The following SLC24A2 variants were observed in gnomAD, a reference collection of about 807,000 sequenced individuals.
SLC24A2 encodes sodium/potassium/calcium exchanger 2.
SLC24A2 carries 36 observed loss-of-function variants against 62.0 expected under a neutral mutation model. The observed-to-expected ratio is 0.58, with a 90% CI of 0.44 to 0.77. The LOEUF (loss-of-function observed/expected upper bound fraction) is 0.77, where lower values mean the gene tolerates loss of function less well. Ranked by LOEUF, SLC24A2 falls within the 30% of genes least tolerant of loss-of-function variation. The pLI is 0.00. For synonymous variants in SLC24A2, 358 were observed against 294.0 expected (o/e 1.22, Z -2.23); for missense variants, 846 against 817.9 (o/e 1.03, Z -0.42).
the SLC24A2 span, among the ~76,000 whole-genome samples, chr9:20,054,428 G>T: frequency 6.6e-6 from 1 of 152,132 alleles, no homozygotes; most frequent in Non-Finnish European, 1.5e-5. Flanking sequence ...CCGACCTCAA[G>T]TGATCCACCT....
At chr9:19,753,732 C>T (rs771915263) in intron 2 of SLC24A2, among the ~76,000 whole-genome samples, 1 of 152,162 alleles carries the variant, frequency 6.6e-6, no homozygotes, top group Non-Finnish European at 1.5e-5. Flanking sequence ...AAACTACCAT[C>T]CCACCAAAGG....
intron 8 of SLC24A2, among the ~76,000 whole-genome samples, chr9:19,531,514 C>T (rs895568141): frequency 1.3e-5 from 2 of 152,188 alleles, no homozygotes; most frequent in African/African-American, 4.8e-5. Flanking sequence ...ACATAATTGA[C>T]AGTGGATGCT....
At chr9:19,882,094 TTCTC>T in the SLC24A2 span, among the ~76,000 whole-genome samples, 3 of 152,214 alleles carry the variant, frequency 2.0e-5, no homozygotes, top group Non-Finnish European at 4.4e-5. Flanking sequence ...ATCTTTGCCA[TTCTC>T]TCTATTTCCT....
Position 19,543,616 on chromosome 9 carries a change from A to G in SLC24A2, c.1479+6521T>C, listed in dbSNP as rs545057363. Among the ~76,000 whole-genome samples, 6 of 152,102 alleles carry G rather than the reference A, an allele frequency of 3.9e-5. No homozygotes were observed. The East Asian group carries it at 1.2e-3, about 29-fold the overall frequency. On this transcript the variant is annotated intron_variant, in intron 8 of 10. Coordinates refer to ENST00000341998, the MANE Select transcript of SLC24A2 (RefSeq NM_020344.4). ...ACAGTGCTTTAAATGTGTCCCAGAG[A>G]TTGTACGTTGTGTTGTTAGTTCTCA...
chr9:19,656,736 C>A (rs1818954075), intron 2 of SLC24A2, among the ~76,000 whole-genome samples: 1 of 152,108 alleles, frequency 6.6e-6, no homozygotes, highest in Non-Finnish European at 1.5e-5. Context: ...CACAGTTTCC[C>A]TTCACCTCCT....
the SLC24A2 span, among the ~76,000 whole-genome samples, chr9:19,910,127 A>G: frequency 1.3e-5 from 2 of 152,172 alleles, no homozygotes; most frequent in African/African-American, 4.8e-5. Context: ...GCTACCATCC[A>G]ATCTTATTTC....
chr9:20,009,655 C>T, the SLC24A2 span, among the ~76,000 whole-genome samples: 3 of 152,144 alleles, frequency 2.0e-5, no homozygotes, highest in Non-Finnish European at 2.9e-5. Context: ...GAGAAAGGAA[C>T]ATCTGTCCCT....
chr9:19,953,898 T>C, the SLC24A2 span, among the ~76,000 whole-genome samples: 7 of 152,022 alleles, frequency 4.6e-5, no homozygotes, highest in African/African-American at 1.7e-4. Context: ...TATAATCTAA[T>C]ACTGAAAATA....
rs1305904933 is a variant in SLC24A2 at position 19,512,960 on chromosome 9, G to C, written c.*3193C>G. The C allele has an allele frequency of 1.3e-5, 2 of 151,696 alleles. No individual in the cohort carries two copies. Among genetic ancestry groups the C allele is most frequent in the Admixed American group, 1.3e-4 (2 of 15,212 alleles). The allele number at this position is 151,696 out of a possible 1,614,324, so 9.4% of individuals were successfully genotyped here. The stretch of plus-strand genomic sequence containing the variant: ...AATATGGGTACATATGTGTATATTT[G>C]TAAATATATGTGCATGGAACAAACA... On this transcript the variant is annotated 3_prime_UTR_variant, in exon 11 of 11. Transcript: ENST00000341998.
intron 2 of SLC24A2, among the ~76,000 whole-genome samples, chr9:19,679,727 G>C (rs1196633430): frequency 6.6e-6 from 1 of 152,124 alleles, no homozygotes; most frequent in Admixed American, 6.6e-5. Flanking sequence ...GATCTGGAAT[G>C]AATCACACCA....
At chr9:19,862,655 G>C in the SLC24A2 span, among the ~76,000 whole-genome samples, 3 of 151,882 alleles carry the variant, frequency 2.0e-5, no homozygotes, top group Non-Finnish European at 4.4e-5. Flanking sequence ...CAATAAGAAG[G>C]TATAAACAGT....
rs910493861 is a variant in SLC24A2 at position 19,671,807 on chromosome 9, G to A, written c.931-49508C>T. ...CAAATGCTTTTCCTGCATCTATTGAGACGAACATATGATTTTTGTTTTTAA... is the reference window on the plus strand; with the variant it reads ...CAAATGCTTTTCCTGCATCTATTGAAACGAACATATGATTTTTGTTTTTAA... On this transcript the variant is annotated intron_variant, in intron 2 of 10. Transcript: ENST00000341998. Among the ~76,000 whole-genome samples the A allele has an allele frequency of 7.5e-5, 9 of 120,008 alleles. 1 individual carries two copies. The highest frequency in any genetic ancestry group is 2.6e-4 in the African/African-American group (6 of 22,934). 78.7% of individuals were successfully genotyped at this position (120,008 alleles called of 152,430 possible).
the SLC24A2 span, among the ~76,000 whole-genome samples, chr9:20,046,431 G>A: frequency 1.3e-5 from 2 of 152,228 alleles, no homozygotes; most frequent in African/African-American, 4.8e-5. Context: ...GCAATGCCAA[G>A]GGCTTTTTTA....
At chr9:20,102,220 C>T in the SLC24A2 span, among the ~76,000 whole-genome samples, 1 of 152,064 alleles carries the variant, frequency 6.6e-6, no homozygotes, top group African/African-American at 2.4e-5. Context: ...AAAAAGTGTC[C>T]TAAGAGAGAG....
chr9:19,574,799 A>G (rs1408148269), intron 6 of SLC24A2, among the ~76,000 whole-genome samples: 2 of 152,144 alleles, frequency 1.3e-5, no homozygotes, highest in Non-Finnish European at 1.5e-5. Flanking sequence ...GAGGGAAATT[A>G]AAAGGTTCCT....
intron 2 of SLC24A2, among the ~76,000 whole-genome samples, chr9:19,661,865 T>C (rs888900667): frequency 1.1e-4 from 17 of 151,946 alleles, no homozygotes; most frequent in African/African-American, 3.9e-4. Context: ...TGTAGATTCC[T>C]GAAAATATGT....
the SLC24A2 span, among the ~76,000 whole-genome samples, chr9:20,147,391 C>T: frequency 6.6e-6 from 1 of 152,106 alleles, no homozygotes; most frequent in Non-Finnish European, 1.5e-5. Context: ...TTGTATAATA[C>T]CATTTTGAGA....
intron 7 of SLC24A2, among the ~76,000 whole-genome samples, chr9:19,551,727 G>C (rs1834856198): frequency 1.3e-5 from 2 of 152,172 alleles, no homozygotes; most frequent in South Asian, 4.1e-4. Context: ...GGCAGGCTCA[G>C]GTCAGCTGGC....
the SLC24A2 span, among the ~76,000 whole-genome samples, chr9:20,111,393 C>A: frequency 4.7e-3 from 708 of 152,224 alleles, 5 homozygotes; most frequent in African/African-American, 0.015. Context: ...AGGGTTAGTG[C>A]CCTCTCCAGG....
Sources: allele counts gnomAD v4.1 joint callset (sites outside exome capture counted in the v4.1 genomes callset), GRCh38; gene constraint gnomAD v4.1.1; transcripts MANE v1.5; gene names NCBI Gene and HGNC (gene_info 2026-07-23, HGNC 2026-07-21).